KIAA0930: variants seen among roughly 807,000 people sequenced by gnomAD.
KIAA0930 encodes uncharacterized protein KIAA0930.
Under a neutral mutation model 43.9 loss-of-function variants are expected in KIAA0930, and 24 were observed. That is an observed-to-expected ratio of 0.55 (90% CI 0.40 to 0.77). KIAA0930 has a LOEUF of 0.77. Ranked by LOEUF, KIAA0930 falls within the 30% of genes least tolerant of loss-of-function variation. The pLI, the probability that KIAA0930 is intolerant of heterozygous loss-of-function variation, is 0.00. For missense variants in KIAA0930, 461 were observed against 574.2 expected (o/e 0.80, Z 2.02); for synonymous variants, 259 against 216.4 (o/e 1.20, Z -1.73).
chr22:45,201,016 T>C (rs1428329405), intron 7 of KIAA0930: 3 of 532,766 alleles, frequency 5.6e-6, no homozygotes, highest in African/African-American at 3.9e-5. Context: ...TCCTCCCTCC[T>C]CCCCATGCCA....
intron 1 of KIAA0930, chr22:45,212,576 G>A (rs2083704754): frequency 2.9e-6 from 4 of 1,385,134 alleles, no homozygotes; most frequent in Admixed American, 6.3e-5. Flanking sequence ...CCGACTTAAA[G>A]GGACAGCCGC....
intron 1 of KIAA0930, among the ~76,000 whole-genome samples, chr22:45,237,197 T>C (rs1440709581): frequency 6.6e-6 from 1 of 152,248 alleles, no homozygotes; most frequent in East Asian, 1.9e-4. Context: ...CCTGGAGTCA[T>C]GAGCAGTGTC....
At chr22:45,233,311 G>A (rs1160826261) in intron 1 of KIAA0930, among the ~76,000 whole-genome samples, 2 of 152,200 alleles carry the variant, frequency 1.3e-5, no homozygotes, top group Non-Finnish European at 1.5e-5. Context: ...ACACGGTGTG[G>A]TACAGGGTGG....
chr22:45,206,308 T>C (rs1358699689), intron 2 of KIAA0930, among the ~76,000 whole-genome samples: 1 of 152,130 alleles, frequency 6.6e-6, no homozygotes, highest in African/African-American at 2.4e-5. Context: ...TGAGCCACCA[T>C]GCCCGGCCAG....
At chr22:45,225,941 C>G (rs1043946643) in intron 1 of KIAA0930, among the ~76,000 whole-genome samples, 2 of 152,264 alleles carry the variant, frequency 1.3e-5, no homozygotes, top group Non-Finnish European at 2.9e-5. Flanking sequence ...CAAAGCCCCA[C>G]CTGCCTGCAA....
chr22:45,197,220 G>A lies in KIAA0930; in HGVS notation c.1175-4C>T. The stretch of plus-strand genomic sequence containing the variant: ...TTCTGCCGAACTTCCAGGATGTCTA[G>A]GGCCGGCAGGAGGGAAGCAGGTGAA... On this transcript the variant is annotated splice_polypyrimidine_tract_variant and splice_region_variant and intron_variant, in intron 9 of 9. Coordinates refer to ENST00000336156, the MANE Select transcript of KIAA0930 (RefSeq NM_001009880.2). 1 of 1,550,288 alleles carries A rather than the reference G, an allele frequency of 6.5e-7. No homozygotes were observed.
In KIAA0930 at chr22:45,193,390, G is replaced by C. The variant is rs2083507364; in HGVS notation, c.*3786C>G. On this transcript the variant is annotated 3_prime_UTR_variant, in exon 10 of 10. Transcript: ENST00000336156. Reference sequence around the variant, plus strand: ...GTCCAGGCAGTCATTAGAATATACTGGCTGCACAGGGCCTTTCCTCTGGGA... The same window carrying C: ...GTCCAGGCAGTCATTAGAATATACTCGCTGCACAGGGCCTTTCCTCTGGGA... 1 of 152,194 alleles carries C rather than the reference G, an allele frequency of 6.6e-6. No homozygotes were observed. The highest frequency in any genetic ancestry group is 2.4e-5 in the African/African-American group (1 of 41,502). The allele number at this position is 152,194 out of a possible 1,614,324, so 9.4% of individuals were successfully genotyped here. A position where few individuals can be genotyped will look rare whatever the true frequency, so the allele number is the denominator to read the frequency against.
chr22:45,209,608 C>A (rs539437661), intron 2 of KIAA0930, among the ~76,000 whole-genome samples: 4 of 152,148 alleles, frequency 2.6e-5, no homozygotes, highest in East Asian at 3.9e-4. Context: ...CTTCTGCACT[C>A]CCCCCACCAC....
chr22:45,217,871 G>A (rs1033912300), intron 1 of KIAA0930, among the ~76,000 whole-genome samples: 3 of 152,196 alleles, frequency 2.0e-5, no homozygotes, highest in Admixed American at 2.0e-4. Flanking sequence ...CGAGTGACCT[G>A]CTTCTGTAAG....
At chr22:45,224,507 C>A (rs935871219) in intron 1 of KIAA0930, among the ~76,000 whole-genome samples, 1 of 152,060 alleles carries the variant, frequency 6.6e-6, no homozygotes, top group Middle Eastern at 3.4e-3. Flanking sequence ...GGGAGACTGC[C>A]CGGCTCCCGC....
At chr22:45,215,187 C>CGGCCTGGGA (rs1306013103) in intron 1 of KIAA0930, among the ~76,000 whole-genome samples, 7 of 152,106 alleles carry the variant, frequency 4.6e-5, no homozygotes, top group Non-Finnish European at 1.0e-4. Context: ...CACTGCACTC[C>CGGCCTGGGA]GGCCTGGGAG....
chr22:45,231,238 AAAG>A (rs1416439659), intron 1 of KIAA0930, among the ~76,000 whole-genome samples: 59 of 151,966 alleles, frequency 3.9e-4, no homozygotes, highest in Admixed American at 1.7e-3. Flanking sequence ...AAAAAAAAAA[AAAG>A]AAAGAAAATA....
rs2083602986 is a variant in KIAA0930 at position 45,202,995 on chromosome 22, C to T, written c.847G>A (p.Glu283Lys). 2.5e-6 allele frequency: 4 copies of T among 1,606,606 alleles called. No homozygotes were observed. The highest frequency in any genetic ancestry group is 1.3e-5 in the African/African-American group (1 of 74,790). Residue 283 changes from glutamate to lysine, a missense_variant, in exon 7 of 10, where the codon GAG becomes AAG. Coordinates refer to ENST00000336156, the MANE Select transcript of KIAA0930 (RefSeq NM_001009880.2). Reference sequence around the variant, plus strand: ...CCCAGCTGTGCAGCCCTTACCCGCTCGTGCATGGGCGAAGCTGGGCTGGAG... The same window carrying T: ...CCCAGCTGTGCAGCCCTTACCCGCTTGTGCATGGGCGAAGCTGGGCTGGAG... Reference protein sequence around the residue: ...EDSSPASPMHERVTSFSTPPT... With the variant: ...EDSSPASPMHKRVTSFSTPPT...
intron 1 of KIAA0930, chr22:45,226,041 C>T (rs2083797713): frequency 3.7e-5 from 11 of 300,042 alleles, no homozygotes; most frequent in South Asian, 3.0e-4. Context: ...GTCCGGGGCC[C>T]AGCGCAGGGC....
chr22:45,216,910 A>C (rs1247470145), intron 1 of KIAA0930, among the ~76,000 whole-genome samples: 1 of 152,132 alleles, frequency 6.6e-6, no homozygotes, highest in African/African-American at 2.4e-5. Context: ...AAGCCAGATT[A>C]TAATCCATTC....
In KIAA0930 at chr22:45,205,329, G is replaced by A. The variant is rs1347897220; in HGVS notation, c.415-11C>T. The A allele has an allele frequency of 6.2e-7, 1 of 1,612,098 alleles. No individual in the cohort carries two copies. Among genetic ancestry groups the A allele is most frequent in the East Asian group, 2.2e-5 (1 of 44,882 alleles). On this transcript the variant is annotated splice_polypyrimidine_tract_variant and intron_variant, in intron 4 of 9. Coordinates refer to ENST00000336156, the MANE Select transcript of KIAA0930 (RefSeq NM_001009880.2). Reference sequence around the variant, plus strand: ...GGACGCGAACACTTGCTGGAAGAAAGCAGATTTGGAGGACAAGTGAGGCCC... The same window carrying A: ...GGACGCGAACACTTGCTGGAAGAAAACAGATTTGGAGGACAAGTGAGGCCC...
At chr22:45,229,041 C>T (rs1359037352) in intron 1 of KIAA0930, among the ~76,000 whole-genome samples, 1 of 104,098 alleles carries the variant, frequency 9.6e-6, no homozygotes, top group Non-Finnish European at 1.9e-5. Context: ...CCCTCTCCAC[C>T]CCCCCACCAC....
chr22:45,215,172 T>C (rs1849876), intron 1 of KIAA0930, among the ~76,000 whole-genome samples: 117,481 of 151,926 alleles, frequency 0.77, 45,644 homozygotes, highest in South Asian at 0.86. Flanking sequence ...GAGTCGAGAT[T>C]GTGCCACTGC....
intron 1 of KIAA0930, among the ~76,000 whole-genome samples, chr22:45,227,475 T>C (rs1182683633): frequency 6.6e-6 from 1 of 152,138 alleles, no homozygotes; most frequent in Admixed American, 6.5e-5. Context: ...AGGGATATGT[T>C]TGAGCATGAG....
Sources: gnomAD v4.1 joint callset for allele counts (sites outside exome capture counted in the v4.1 genomes callset) on GRCh38, gnomAD v4.1.1 for gene constraint, MANE v1.5 for transcripts, NCBI Gene and HGNC (gene_info 2026-07-23, HGNC 2026-07-21) for gene names.